Variants in NEBL observed in about 807,000 individuals in gnomAD.
NEBL encodes the protein nebulette, also known as LIM and SH3 protein 2.
NEBL carries 122 observed loss-of-function variants against 140.2 expected under a neutral mutation model. The observed-to-expected ratio is 0.87, with a 90% CI of 0.75 to 1.01. NEBL has a LOEUF of 1.01. Among genes scored for constraint, NEBL ranks in the 50% least tolerant of loss-of-function variants. The probability of loss-of-function intolerance (pLI) is 0.00; values close to 1 mark genes in which losing one functional copy is unlikely to be tolerated. For synonymous variants in NEBL, 436 were observed against 398.9 expected (o/e 1.09, Z -1.11); for missense variants, 1,365 against 1,231.3 (o/e 1.11, Z -1.62).
At chr10:21,227,699 TTCTTCTTCTTCTTTCTTC>T (rs1564545984) in intron 3 of NEBL, among the ~76,000 whole-genome samples, 27 of 80,710 alleles carry the variant, frequency 3.3e-4, no homozygotes, top group African/African-American at 8.9e-4. Flanking sequence ...CTTCTTCTTC[TTCTTCTTCTTCTTTCTTC>T]TTCTTCTTCT....
chr10:20,780,865 C>T lies in NEBL; in HGVS notation c.*4882G>A, dbSNP rs1323504602. 1 of 152,134 alleles carries T rather than the reference C, an allele frequency of 6.6e-6. No homozygotes were observed. Among genetic ancestry groups the T allele is most frequent in the Non-Finnish European group, 1.5e-5 (1 of 68,016 alleles). 9.4% of individuals were successfully genotyped at this position (152,134 alleles called of 1,614,324 possible). A position where few individuals can be genotyped will look rare whatever the true frequency, so the allele number is the denominator to read the frequency against. ...TGGTTTGCCGTCATTTAAGTAGTTTCAATAGATAAATCGGTGATTTGCTTT... is the reference window on the plus strand; with the variant it reads ...TGGTTTGCCGTCATTTAAGTAGTTTTAATAGATAAATCGGTGATTTGCTTT... On this transcript the variant is annotated 3_prime_UTR_variant, in exon 28 of 28. Coordinates refer to ENST00000377122, the MANE Select transcript of NEBL (RefSeq NM_006393.3).
chr10:21,032,973 T>C (rs1348027044), intron 2 of NEBL, among the ~76,000 whole-genome samples: 7 of 152,188 alleles, frequency 4.6e-5, no homozygotes, highest in African/African-American at 1.7e-4. Flanking sequence ...ACATGTCACC[T>C]AGATTTTGAA....
At chr10:21,216,749 C>A (rs1389375370) in intron 3 of NEBL, among the ~76,000 whole-genome samples, 6 of 130,038 alleles carry the variant, frequency 4.6e-5, no homozygotes, top group South Asian at 2.4e-4. Context: ...CTAGGCTGGG[C>A]AACAAAGCAA....
chr10:21,287,134 C>T (rs1304220519), intron 1 of NEBL, among the ~76,000 whole-genome samples: 3 of 152,154 alleles, frequency 2.0e-5, no homozygotes, highest in African/African-American at 7.2e-5. Context: ...CAAGTACCGG[C>T]ATCCATCACA....
At chr10:21,008,865 T>C (rs997471666) in intron 3 of NEBL, among the ~76,000 whole-genome samples, 1 of 151,994 alleles carries the variant, frequency 6.6e-6, no homozygotes, top group African/African-American at 2.4e-5. Context: ...GGGTGTCTAC[T>C]GTATGCATAT....
chr10:21,192,169 C>T (rs2132217742), intron 3 of NEBL, among the ~76,000 whole-genome samples: 1 of 152,070 alleles, frequency 6.6e-6, no homozygotes, highest in Non-Finnish European at 1.5e-5. Flanking sequence ...TCACTCATTC[C>T]CTCTCCTAAT....
intron 4 of NEBL, among the ~76,000 whole-genome samples, chr10:20,902,654 G>T (rs77577043): frequency 1.3e-5 from 2 of 152,166 alleles, no homozygotes; most frequent in Non-Finnish European, 2.9e-5. Flanking sequence ...TTAACATAGC[G>T]CCCATTGAGC....
rs541511959 is a variant in NEBL at position 20,968,345 on chromosome 10, A to C, written c.250-6566T>G. 2.5e-4 allele frequency among the ~76,000 whole-genome samples: 38 copies of C among 152,112 alleles called. 1 individual carries two copies. Among genetic ancestry groups the C allele is most frequent in the Middle Eastern group, 6.8e-3 (2 of 294 alleles). ...CATAGCAAGGCCCCATCTCTTAAAA[A>C]AAAAAAAAAATTAAAATCAGCCAGG... On this transcript the variant is annotated intron_variant, in intron 3 of 6. Transcript: ENST00000417816.
At chr10:21,181,862 G>GA (rs1193278633) in intron 3 of NEBL, among the ~76,000 whole-genome samples, 2 of 152,148 alleles carry the variant, frequency 1.3e-5, no homozygotes, top group Admixed American at 6.5e-5. Context: ...GTATTCCAAA[G>GA]AAAAACATGT....
chr10:21,266,303 G>A (rs1225315319), intron 1 of NEBL, among the ~76,000 whole-genome samples: 1 of 151,784 alleles, frequency 6.6e-6, no homozygotes, highest in Non-Finnish European at 1.5e-5. Flanking sequence ...CACCATGCCC[G>A]GCTAATTTTT....
chr10:21,207,716 T>C (rs1275476822), intron 3 of NEBL, among the ~76,000 whole-genome samples: 1 of 152,070 alleles, frequency 6.6e-6, no homozygotes, highest in Non-Finnish European at 1.5e-5. Flanking sequence ...TACAGACTGG[T>C]TGCATCTCTC....
At chr10:20,924,316 G>A (rs777481679) in intron 4 of NEBL, among the ~76,000 whole-genome samples, 6 of 143,988 alleles carry the variant, frequency 4.2e-5, no homozygotes, top group Non-Finnish European at 9.0e-5. Flanking sequence ...TTTCACCTGT[G>A]ACAACTTACA....
At chr10:20,902,055 G>A (rs559593956), upstream of NEBL, among the ~76,000 whole-genome samples, 10 of 151,990 alleles carry the variant, frequency 6.6e-5, no homozygotes, top group South Asian at 6.3e-4. Context: ...ATCAGAAATC[G>A]AAAGAACACA....
chr10:21,085,221 A>G (rs1361078550), intron 2 of NEBL, among the ~76,000 whole-genome samples: 1 of 152,216 alleles, frequency 6.6e-6, no homozygotes, highest in Non-Finnish European at 1.5e-5. Flanking sequence ...ATTTCTTCCA[A>G]AAGTAGAATG....
intron 2 of NEBL, among the ~76,000 whole-genome samples, chr10:21,054,399 G>C (rs573057680): frequency 6.6e-6 from 1 of 152,168 alleles, no homozygotes; most frequent in Non-Finnish European, 1.5e-5. Flanking sequence ...TGTCCGGAAC[G>C]TTCCAAGTCA....
At chr10:20,949,122 TGAATA>T (rs1835319049) in intron 4 of NEBL, among the ~76,000 whole-genome samples, 1 of 152,208 alleles carries the variant, frequency 6.6e-6, no homozygotes, top group East Asian at 1.9e-4. Context: ...TTTTCCTATT[TGAATA>T]CCCTTTATTT....
chr10:21,127,598 T>C (rs1051067944), intron 2 of NEBL, among the ~76,000 whole-genome samples: 1 of 151,862 alleles, frequency 6.6e-6, no homozygotes. Context: ...CAGAATATTA[T>C]CAGGCCTGTT....
In NEBL at chr10:20,793,308, A is replaced by G. The variant is rs931584664; in HGVS notation, c.2762-6000T>C. 20 of 937,050 alleles carry G rather than the reference A, an allele frequency of 2.1e-5. No individual in the cohort carries two copies. In the African/African-American group the frequency reaches 3.6e-4, roughly 17 times the overall value. The allele number at this position is 937,050 out of a possible 1,614,324, so 58.0% of individuals were successfully genotyped here. ...TAATTAAGCTCAAGCTTTGGGAATC[A>G]TTTAAAAATAAAAGCAGTCATTACT... On this transcript the variant is annotated intron_variant, in intron 26 of 27. Coordinates refer to ENST00000377122, the MANE Select transcript of NEBL (RefSeq NM_006393.3).
At chr10:20,867,171 T>G (rs968733127) in intron 7 of NEBL, among the ~76,000 whole-genome samples, 5 of 152,164 alleles carry the variant, frequency 3.3e-5, no homozygotes, top group African/African-American at 4.8e-5. Context: ...AGTTTTTCAT[T>G]TCATTTAAAT....
Sources: gnomAD v4.1 joint callset for allele counts (sites outside exome capture counted in the v4.1 genomes callset) on GRCh38, gnomAD v4.1.1 for gene constraint, MANE v1.5 for transcripts, NCBI Gene and HGNC (gene_info 2026-07-23, HGNC 2026-07-21) for gene names.